Variants in F13A1 observed in about 807,000 individuals in gnomAD.
F13A1 encodes the protein coagulation factor XIII A chain.
F13A1 carries 47 observed loss-of-function variants against 80.1 expected under a neutral mutation model. The observed-to-expected ratio is 0.59, with a 90% confidence interval of 0.46 to 0.75. The LOEUF is 0.75. Among genes scored for constraint, F13A1 ranks in the 30% least tolerant of loss-of-function variants. The probability of loss-of-function intolerance (pLI) is 0.00; values close to 1 mark genes in which losing one functional copy is unlikely to be tolerated. For missense variants in F13A1, 817 were observed against 930.4 expected (o/e 0.88, Z 1.59); for synonymous variants, 349 against 344.9 (o/e 1.01, Z -0.13).
chr6:6,179,852 T>C (rs1760948670), intron 11 of F13A1, among the ~76,000 whole-genome samples: 1 of 152,200 alleles, frequency 6.6e-6, no homozygotes, highest in Admixed American at 6.5e-5. Flanking sequence ...GTCTTCCTCA[T>C]GCAGTGCGGA....
At position 6,151,922 on chromosome 6, in the gene F13A1, C is replaced by A. The variant is rs773917573; in HGVS notation, c.1936G>T (p.Asp646Tyr). Residue 646 changes from aspartate to tyrosine, a missense_variant, in exon 14 of 15, where the codon GAC (aspartate) becomes TAC (tyrosine). Asp to Tyr is a radical substitution (Grantham distance 160). Transcript: ENST00000264870. ...KVRGTQVVGS[D>Y]MTVTVEFTNP... ...GTAAACTCAACTGTCACAGTCATGTCAGAACCAACTACCTGAGTGCCACGG... is the reference window on the plus strand; with the variant it reads ...GTAAACTCAACTGTCACAGTCATGTAAGAACCAACTACCTGAGTGCCACGG... The A allele has an allele frequency of 1.2e-6, 2 of 1,614,132 alleles. No homozygotes were observed. The highest frequency in any genetic ancestry group is 1.7e-6 in the Non-Finnish European group (2 of 1,179,982).
At chr6:6,301,600 TC>T (rs1034788936) in intron 3 of F13A1, among the ~76,000 whole-genome samples, 2 of 152,182 alleles carry the variant, frequency 1.3e-5, no homozygotes, top group Non-Finnish European at 2.9e-5. Flanking sequence ...GCTATGCTTT[TC>T]CCCCTCTTTT....
chr6:6,219,755 C>G (rs1757164379), intron 8 of F13A1, among the ~76,000 whole-genome samples: 2 of 152,186 alleles, frequency 1.3e-5, no homozygotes, highest in South Asian at 4.1e-4. Context: ...GGCCAAGTGT[C>G]TGCTTTTTCT....
At chr6:6,177,835 G>A (rs1315841239) in intron 11 of F13A1, among the ~76,000 whole-genome samples, 1 of 152,230 alleles carries the variant, frequency 6.6e-6, no homozygotes, top group Non-Finnish European at 1.5e-5. Flanking sequence ...GAAGGGGCAT[G>A]GGAGGCCTCT....
At chr6:6,294,157 C>G (rs886237327) in intron 3 of F13A1, among the ~76,000 whole-genome samples, 1 of 152,004 alleles carries the variant, frequency 6.6e-6, no homozygotes, top group African/African-American at 2.4e-5. Context: ...ATACTGTCAA[C>G]TTGATTGGAT....
intron 10 of F13A1, among the ~76,000 whole-genome samples, chr6:6,185,189 T>G (rs1298251415): frequency 2.0e-5 from 3 of 151,766 alleles, no homozygotes; most frequent in Non-Finnish European, 4.4e-5. Context: ...TGCAGGTTAG[T>G]TACATATGTA....
At chr6:6,154,289 G>A (rs1460564115) in intron 13 of F13A1, among the ~76,000 whole-genome samples, 1 of 152,170 alleles carries the variant, frequency 6.6e-6, no homozygotes, top group Non-Finnish European at 1.5e-5. Flanking sequence ...AGGCAAACTA[G>A]AACATGAACC....
chr6:6,157,631 G>A (rs539104270), intron 13 of F13A1, among the ~76,000 whole-genome samples: 1 of 152,156 alleles, frequency 6.6e-6, no homozygotes, highest in East Asian at 1.9e-4. Context: ...TTCTATGCCA[G>A]AGTAAAATGT....
chr6:6,297,660 A>T (rs1246095940), intron 3 of F13A1, among the ~76,000 whole-genome samples: 1 of 149,166 alleles, frequency 6.7e-6, no homozygotes, highest in African/African-American at 2.6e-5. Flanking sequence ...TAGTCTTGTT[A>T]GCGGTCTATC....
At chr6:6,238,203 AATG>A (rs1220454281) in intron 6 of F13A1, among the ~76,000 whole-genome samples, 42 of 152,314 alleles carry the variant, frequency 2.8e-4, no homozygotes, top group African/African-American at 9.9e-4. Context: ...AAAGCAATTC[AATG>A]AAGAAAATGA....
At position 6,174,832 on chromosome 6, in the gene F13A1, G is replaced by C; in HGVS notation, c.1495C>G (p.Leu499Val). The change falls in exon 12 of 15, where the codon CTG becomes GTG. Residue 499 changes from leucine to valine, a missense_variant. Coordinates refer to ENST00000264870, the MANE Select transcript of F13A1 (RefSeq NM_000129.4). ...AGGGGCTTTTTAGCTCCGTACATCA[G>C]GGCAGTTTCTAGGGCCAATCTCTCT... Reference protein sequence around the residue: ...EEERLALETALMYGAKKPLNT... With the variant: ...EEERLALETAVMYGAKKPLNT... 1 of 1,614,150 alleles carries C rather than the reference G, an allele frequency of 6.2e-7. No homozygotes were observed. Among genetic ancestry groups the C allele is most frequent in the Non-Finnish European group, 8.5e-7 (1 of 1,180,024 alleles).
In F13A1 at chr6:6,304,934, G is replaced by A. The variant is rs537352832; in HGVS notation, c.319+417C>T. On this transcript the variant is annotated intron_variant, in intron 3 of 14. Coordinates refer to ENST00000264870, the MANE Select transcript of F13A1 (RefSeq NM_000129.4). ...AAGTTTATTGGACTATATTTTTCAC[G>A]GGCCATCCCATGGGACTAGATCAGA... 2.8e-4 allele frequency among the ~76,000 whole-genome samples: 42 copies of A among 151,332 alleles called. No individual in the cohort carries two copies. In the South Asian group the frequency reaches 7.3e-3, roughly 26 times the overall value.
chr6:6,313,824 C>G (rs1758641429), intron 2 of F13A1, among the ~76,000 whole-genome samples: 1 of 152,020 alleles, frequency 6.6e-6, no homozygotes, highest in Admixed American at 6.5e-5. Flanking sequence ...ATCCTGGAAC[C>G]TATAATGTTG....
chr6:6,165,089 C>A (rs1320498387), intron 13 of F13A1, among the ~76,000 whole-genome samples: 2 of 152,198 alleles, frequency 1.3e-5, no homozygotes, highest in African/African-American at 2.4e-5. Flanking sequence ...CCCCATTCCA[C>A]CTTTTTGAAC....
intron 13 of F13A1, among the ~76,000 whole-genome samples, chr6:6,156,888 A>G (rs1417714662): frequency 6.6e-6 from 1 of 152,234 alleles, no homozygotes; most frequent in Non-Finnish European, 1.5e-5. Context: ...TGGATGGAGC[A>G]GATTTAAAAT....
intron 14 of F13A1, among the ~76,000 whole-genome samples, chr6:6,147,434 A>G (rs146114669): frequency 5.9e-5 from 9 of 152,346 alleles, no homozygotes; most frequent in African/African-American, 1.9e-4. Flanking sequence ...TGGAGGATTC[A>G]TTGAACTCTT....
intron 12 of F13A1, among the ~76,000 whole-genome samples, chr6:6,172,066 A>C (rs930411366): frequency 2.0e-5 from 3 of 152,224 alleles, no homozygotes; most frequent in African/African-American, 4.8e-5. Flanking sequence ...TCAGAAATTC[A>C]GTAAGAATAG....
chr6:6,186,750 A>G (rs1350484171), intron 10 of F13A1, among the ~76,000 whole-genome samples: 1 of 151,840 alleles, frequency 6.6e-6, no homozygotes, highest in East Asian at 1.9e-4. Flanking sequence ...GTTTTTTCCA[A>G]TTCTGTGAAG....
intron 13 of F13A1, among the ~76,000 whole-genome samples, chr6:6,153,145 A>T (rs566956726): frequency 2.6e-5 from 4 of 152,354 alleles, no homozygotes; most frequent in African/African-American, 9.6e-5. Context: ...TCAATGGCTC[A>T]AAAATGGAAT....
Sources: gnomAD v4.1 joint callset for allele counts (sites outside exome capture counted in the v4.1 genomes callset) on GRCh38, gnomAD v4.1.1 for gene constraint, MANE v1.5 for transcripts, NCBI Gene and HGNC (gene_info 2026-07-23, HGNC 2026-07-21) for gene names.